The following LMOD3 variants were observed in gnomAD, a reference collection of about 807,000 sequenced individuals.
LMOD3 encodes leiomodin-3.
LMOD3 carries 31 observed loss-of-function variants against 41.8 expected under a neutral mutation model. That is an observed-to-expected ratio of 0.74 (90% CI 0.56 to 1.00). The LOEUF (loss-of-function observed/expected upper bound fraction) is 1.00. Ranked by LOEUF, LMOD3 falls within the 50% of genes least tolerant of loss-of-function variation. The pLI, the probability that LMOD3 is intolerant of heterozygous loss-of-function variation, is 0.00. For synonymous variants in LMOD3, 292 were observed against 241.9 expected (o/e 1.21, Z -1.92); for missense variants, 755 against 679.5 (o/e 1.11, Z -1.23).
intron 2 of LMOD3, among the ~76,000 whole-genome samples, chr3:69,114,669 G>A (rs963244446): frequency 5.3e-5 from 8 of 151,924 alleles, no homozygotes; most frequent in South Asian, 2.1e-4. Context: ...CACCACACCC[G>A]AATATTTTTG....
At chr3:69,120,599 A>AAT (rs149532027) in intron 1 of LMOD3, among the ~76,000 whole-genome samples, 4 of 150,790 alleles carry the variant, frequency 2.7e-5, no homozygotes, top group East Asian at 1.9e-4. Context: ...GACATTTTGG[A>AAT]ATATATATAT....
rs1352330647 is a variant in LMOD3, at chr3:69,119,711, T to G, written c.644A>C (p.Lys215Thr). 1.9e-6 allele frequency: 3 copies of G among 1,613,932 alleles called. No individual in the cohort carries two copies. In the East Asian group the frequency reaches 6.7e-5, roughly 36 times the overall value. Residue 215 changes from lysine to threonine, a missense_variant, in exon 2 of 3, where the codon AAA (lysine) becomes ACA (threonine). Physicochemically the swap from Lys to Thr is moderately conservative, Grantham distance 78 (BLOSUM62 -1). Coordinates refer to ENST00000420581, the MANE Select transcript of LMOD3 (RefSeq NM_198271.5). ...TAGAGCTAACTTCTTAGGATCTAAT[T>G]TCGATATTTTTTTCTCACTTTGTTC... is the stretch of plus-strand genomic sequence containing the variant. Reference protein sequence around the residue: ...AQEQSEKKISKLDPKKLALDT... With the variant: ...AQEQSEKKISTLDPKKLALDT...
chr3:69,119,579 T>A lies in LMOD3; in HGVS notation c.776A>T (p.Asn259Ile). The A allele has an allele frequency of 6.2e-7, 1 of 1,613,844 alleles. No homozygotes were observed. The highest frequency in any genetic ancestry group is 8.5e-7 in the Non-Finnish European group (1 of 1,179,894). Reference protein sequence around the residue: ...RKNDPDMKELNLNNIENIPKE... With the variant: ...RKNDPDMKELILNNIENIPKE... The stretch of plus-strand genomic sequence containing the variant: ...GGGGATGTTTTCAATGTTGTTCAGG[T>A]TGAGTTCCTTCATGTCAGGATCATT... The change falls in exon 2 of 3, where the codon AAC becomes ATC. Residue 259 changes from asparagine (N) to isoleucine (I), a missense_variant. Transcript: ENST00000420581.
chr3:69,118,055 C>A (rs1003420333), intron 2 of LMOD3, among the ~76,000 whole-genome samples: 1 of 152,196 alleles, frequency 6.6e-6, no homozygotes, highest in African/African-American at 2.4e-5. Flanking sequence ...TGATCTTGAT[C>A]TCTTGACCTT....
intron 2 of LMOD3, among the ~76,000 whole-genome samples, chr3:69,110,838 C>CAAAAAAA (rs774402446): frequency 7.5e-5 from 5 of 67,010 alleles, no homozygotes; most frequent in African/African-American, 1.6e-4. Context: ...GACACCATCT[C>CAAAAAAA]AAAAAAAAAA....
At chr3:69,115,815 A>T (rs904667939) in intron 2 of LMOD3, among the ~76,000 whole-genome samples, 14 of 152,160 alleles carry the variant, frequency 9.2e-5, no homozygotes, top group African/African-American at 2.9e-4. Flanking sequence ...ATATTTTGGG[A>T]CATTTCAACA....
Position 69,119,440 on chromosome 3 carries a change from CAT to C in LMOD3, c.913_914del (p.Met305ValfsTer3), listed in dbSNP as rs781319068. ...DENVAFALANMLRENRSITTL... is the reference protein window; with the variant it reads ...DENVAFALANXLRENRSITTL... ...TGGTGATGCTTCTATTTTCACGCAA[CAT>C]GTTAGCCAAGGCAAATGCTACATTC... On this transcript the variant is annotated frameshift_variant, in exon 2 of 3. Coordinates refer to ENST00000420581, the MANE Select transcript of LMOD3 (RefSeq NM_198271.5). LOFTEE classifies it high-confidence loss of function. 1.2e-6 allele frequency: 2 copies of C among 1,614,010 alleles called. No homozygotes were observed. The highest frequency in any genetic ancestry group is 2.2e-5 in the South Asian group (2 of 91,086).
Position 69,119,663 on chromosome 3 carries a change from C to G in LMOD3, c.692G>C (p.Ser231Thr), listed in dbSNP as rs2092397040. Residue 231 changes from serine to threonine, a missense_variant, in exon 2 of 3, where the codon AGT (serine) becomes ACT (threonine). Ser to Thr is a moderately conservative substitution (Grantham distance 58). Transcript: ENST00000420581. Reference protein sequence around the residue: ...LALDTSFLKVSTRPSGNQTDL... With the variant: ...LALDTSFLKVTTRPSGNQTDL... The stretch of plus-strand genomic sequence containing the variant: ...TGTCTGGTTTCCTGAAGGCCTTGTA[C>G]TTACCTTCAAAAAGCTGGTGTCTAG... 1.2e-6 allele frequency: 2 copies of G among 1,613,932 alleles called. No individual in the cohort carries two copies. Among genetic ancestry groups the G allele is most frequent in the Middle Eastern group, 3.3e-4 (2 of 6,062 alleles).
rs775071024 is a variant in LMOD3, at chr3:69,122,339, C to T, written c.48G>A (p.Glu16=). ...RNSDQEELLD[E]EINEDEILAN... ...CCAAGATTTCATCTTCATTAATCTC[C>T]TCATCGAGAAGTTCTTCTTGATCTG... Residue 16 remains glutamate, a synonymous_variant, in exon 1 of 3, where the codon GAG becomes GAA. Transcript: ENST00000420581. 9 of 1,612,550 alleles carry T rather than the reference C, an allele frequency of 5.6e-6. No homozygotes were observed. In the Admixed American group the frequency reaches 1.5e-4, roughly 27 times the overall value.
At chr3:69,115,586 G>C (rs2092368576) in intron 2 of LMOD3, among the ~76,000 whole-genome samples, 1 of 152,010 alleles carries the variant, frequency 6.6e-6, no homozygotes, top group Non-Finnish European at 1.5e-5. Flanking sequence ...CACACACAGA[G>C]AACCCCACAA....
chr3:69,117,782 T>C (rs1444657606), intron 2 of LMOD3, among the ~76,000 whole-genome samples: 1 of 152,006 alleles, frequency 6.6e-6, no homozygotes, highest in Non-Finnish European at 1.5e-5. Flanking sequence ...ACTGTTTCTA[T>C]GCATTTTGGA....
At chr3:69,110,706 G>A (rs2092344971) in intron 2 of LMOD3, among the ~76,000 whole-genome samples, 1 of 147,724 alleles carries the variant, frequency 6.8e-6, no homozygotes. Flanking sequence ...AGCTGGGCGT[G>A]GTGGCACGTG....
At chr3:69,112,593 A>G (rs2092354936) in intron 2 of LMOD3, among the ~76,000 whole-genome samples, 2 of 152,260 alleles carry the variant, frequency 1.3e-5, no homozygotes, top group Non-Finnish European at 2.9e-5. Context: ...AGATTCTAAC[A>G]GAGATAGAAG....
intron 2 of LMOD3, among the ~76,000 whole-genome samples, chr3:69,118,468 C>T (rs989653587): frequency 6.6e-6 from 1 of 152,088 alleles, no homozygotes; most frequent in Non-Finnish European, 1.5e-5. Context: ...TAAATGTTAG[C>T]TGCTAATATC....
rs1424052673 is a variant in LMOD3, at chr3:69,112,170, TGTTA to T, written c.1657-3053_1657-3050del. 3.3e-5 allele frequency among the ~76,000 whole-genome samples: 5 copies of T among 152,326 alleles called. No homozygotes were observed. The South Asian group carries it at 6.2e-4, about 19-fold the overall frequency. ...GTAGGGAGCCTTTTTCCCCTTTGCT[TGTTA>T]GTTTTCAAAGAAAGTATGTCTAGTG... On this transcript the variant is annotated intron_variant, in intron 2 of 2. Transcript: ENST00000420581.
intron 2 of LMOD3, among the ~76,000 whole-genome samples, chr3:69,115,644 G>A (rs2092368750): frequency 6.6e-6 from 1 of 151,980 alleles, no homozygotes; most frequent in African/African-American, 2.4e-5. Flanking sequence ...GAAAATCCAG[G>A]GATTTGGAGG....
In LMOD3 at chr3:69,119,505, T is replaced by C. The variant is rs767219623; in HGVS notation, c.850A>G (p.Ile284Val). Residue 284 changes from isoleucine (I) to valine (V), a missense_variant, in exon 2 of 3, where the codon ATC (isoleucine) becomes GTC (valine). Ile to Val is a conservative substitution (Grantham distance 29, BLOSUM62 3). Transcript: ENST00000420581. ...FVNAMKKNKH[I>V]KTFSLANVGA... ...ACATTGGCTAAACTGAATGTTTTGA[T>C]GTGCTTGTTTTTCTTCATTGCATTG... The C allele has an allele frequency of 9.9e-6, 16 of 1,613,918 alleles. No individual in the cohort carries two copies. The highest frequency in any genetic ancestry group is 1.0e-5 in the Non-Finnish European group (12 of 1,179,906).
At chr3:69,109,739 G>A (rs1317393543) in intron 2 of LMOD3, among the ~76,000 whole-genome samples, 2 of 151,886 alleles carry the variant, frequency 1.3e-5, no homozygotes, top group African/African-American at 4.8e-5. Flanking sequence ...ATGTTGGCCT[G>A]GCTGGTCTCA....
chr3:69,108,967 T>G lies in LMOD3; in HGVS notation c.*128A>C. 1.2e-6 allele frequency: 1 copy of G among 800,026 alleles called. No homozygotes were observed. Among genetic ancestry groups the G allele is most frequent in the Non-Finnish European group, 2.0e-6 (1 of 493,316 alleles). 49.6% of individuals were successfully genotyped at this position (800,026 alleles called of 1,614,324 possible). On this transcript the variant is annotated 3_prime_UTR_variant, in exon 3 of 3. Transcript: ENST00000420581. ...ATTCTGCCTTTTACAAATACCCTTA[T>G]CAGATGGTAGCATTGTTTCCAGTTC...
Sources: gnomAD v4.1 joint callset for allele counts (sites outside exome capture counted in the v4.1 genomes callset) on GRCh38, gnomAD v4.1.1 for gene constraint, MANE v1.5 for transcripts, NCBI Gene and HGNC (gene_info 2026-07-23, HGNC 2026-07-21) for gene names.